The following CADPS variants were observed in gnomAD, a reference collection of about 807,000 sequenced individuals.
CADPS encodes the protein calcium dependent secretion activator, also known as calcium-dependent secretion activator 1.
In CADPS, 57 loss-of-function variants were observed where a neutral mutation model predicts 167.3. That is an observed-to-expected ratio of 0.34 (90% CI 0.28 to 0.42). CADPS has a LOEUF of 0.42. Among genes scored for constraint, CADPS ranks in the 20% least tolerant of loss-of-function variants. CADPS has a pLI of 1.00. For synonymous variants in CADPS, 676 were observed against 635.3 expected (o/e 1.06, Z -0.96); for missense variants, 1,414 against 1,738.1 (o/e 0.81, Z 3.32).
intron 3 of CADPS, among the ~76,000 whole-genome samples, chr3:62,697,650 A>G (rs115751207): frequency 0.079 from 12,082 of 152,020 alleles, 634 homozygotes; most frequent in Non-Finnish European, 0.12. Flanking sequence ...TCAAATGCTA[A>G]ATCTACTTTT....
intron 11 of CADPS, among the ~76,000 whole-genome samples, chr3:62,543,843 T>A (rs1482103901): frequency 2.6e-5 from 4 of 152,174 alleles, no homozygotes; most frequent in African/African-American, 9.6e-5. Context: ...TGATAGTTTT[T>A]TCCTATATAA....
At position 62,863,855 on chromosome 3, in the gene CADPS, G is replaced by A. The variant is rs562263789; in HGVS notation, c.441+10734C>T. Among the ~76,000 whole-genome samples, 229 of 152,268 alleles carry A rather than the reference G, an allele frequency of 1.5e-3. 1 individual carries two copies. The highest frequency in any genetic ancestry group is 4.8e-3 in the African/African-American group (200 of 41,546). On this transcript the variant is annotated intron_variant, in intron 1 of 29. Coordinates refer to ENST00000383710, the MANE Select transcript of CADPS (RefSeq NM_003716.4). Reference sequence around the variant, plus strand: ...TTGGCCAGCTCAGTTATATGGTAGCGCCACTGGGTGGCCATTCACAGAGTT... The same window carrying A: ...TTGGCCAGCTCAGTTATATGGTAGCACCACTGGGTGGCCATTCACAGAGTT...
At chr3:62,536,172 C>A in intron 12 of CADPS, 1 of 331,520 alleles carries the variant, frequency 3.0e-6, no homozygotes, top group Non-Finnish European at 5.6e-6. Context: ...CTCGATTACC[C>A]TCTTGGGAAT....
At chr3:62,593,336 T>G (rs2086497791) in intron 6 of CADPS, among the ~76,000 whole-genome samples, 1 of 152,206 alleles carries the variant, frequency 6.6e-6, no homozygotes, top group African/African-American at 2.4e-5. Flanking sequence ...GCTCATAGTT[T>G]GTGGATATCG....
chr3:62,564,981 T>C, intron 9 of CADPS, among the ~76,000 whole-genome samples: 1 of 152,186 alleles, frequency 6.6e-6, no homozygotes, highest in East Asian at 1.9e-4. Flanking sequence ...TCTAACCTGA[T>C]ATGGGTGATA....
chr3:62,629,281 A>G (rs547585796), intron 6 of CADPS, among the ~76,000 whole-genome samples: 23 of 152,284 alleles, frequency 1.5e-4, no homozygotes, highest in African/African-American at 5.5e-4. Flanking sequence ...TTTGTAGTCA[A>G]CCACACTCCC....
intron 11 of CADPS, among the ~76,000 whole-genome samples, chr3:62,539,406 A>C (rs1275710782): frequency 6.6e-6 from 1 of 152,118 alleles, no homozygotes; most frequent in Non-Finnish European, 1.5e-5. Flanking sequence ...CATTTACTCA[A>C]AATTGGGCTC....
chr3:62,794,172 T>C (rs1251458768), intron 1 of CADPS, among the ~76,000 whole-genome samples: 1 of 152,218 alleles, frequency 6.6e-6, no homozygotes, highest in East Asian at 1.9e-4. Flanking sequence ...TTCCCAGCTC[T>C]GCCAGTGACT....
chr3:62,464,990 G>C (rs1184957231), intron 26 of CADPS, among the ~76,000 whole-genome samples: 1 of 152,140 alleles, frequency 6.6e-6, no homozygotes, highest in African/African-American at 2.4e-5. Flanking sequence ...ACTGAGTGCA[G>C]GTCTTCATTT....
intron 10 of CADPS, among the ~76,000 whole-genome samples, chr3:62,557,018 C>G (rs141498087): frequency 0.6 from 89,416 of 147,870 alleles, 27,599 homozygotes; most frequent in Admixed American, 0.7. Context: ...CACACACACA[C>G]ACACACACAC....
chr3:62,615,586 C>A (rs1032795076), intron 6 of CADPS, among the ~76,000 whole-genome samples: 7 of 152,126 alleles, frequency 4.6e-5, no homozygotes, highest in Non-Finnish European at 8.8e-5. Context: ...ACGTCTGGGA[C>A]CCCGGTTTAC....
At chr3:62,768,417 T>C (rs982282230) in intron 1 of CADPS, among the ~76,000 whole-genome samples, 10 of 151,998 alleles carry the variant, frequency 6.6e-5, no homozygotes, top group Non-Finnish European at 1.3e-4. Flanking sequence ...ACCTCGCTTT[T>C]GTCTTAAATG....
chr3:62,486,765 G>T (rs955998980), intron 21 of CADPS, among the ~76,000 whole-genome samples: 2 of 152,210 alleles, frequency 1.3e-5, no homozygotes, highest in African/African-American at 4.8e-5. Flanking sequence ...ATCTCTGGTG[G>T]TGTTACAGTG....
intron 3 of CADPS, among the ~76,000 whole-genome samples, chr3:62,677,048 T>C (rs987621361): frequency 6.6e-6 from 1 of 152,132 alleles, no homozygotes; most frequent in African/African-American, 2.4e-5. Context: ...TGGCAATTTA[T>C]ACTGGCCAAC....
At position 62,514,813 on chromosome 3, in the gene CADPS, C is replaced by T. The variant is rs530152750; in HGVS notation, c.2581+1246G>A. Among the ~76,000 whole-genome samples the T allele has an allele frequency of 3.3e-5, 5 of 152,256 alleles. No individual in the cohort carries two copies. The highest frequency in any genetic ancestry group is 3.9e-4 in the East Asian group (2 of 5,174). ...CTTTACCAAATACAACCAATCATTA[C>T]GTCCTGGGACAGTAAATGCTGGAAC... On this transcript the variant is annotated intron_variant, in intron 16 of 29. Transcript: ENST00000383710. This position sits in a 1 kb window ranked among gnomAD's most constrained non-coding sequence, Gnocchi z 4.2.
chr3:62,513,492 C>A, intron 16 of CADPS: 1 of 588,252 alleles, frequency 1.7e-6, no homozygotes. Flanking sequence ...ACTTCTCACA[C>A]TGGGTTTCAC....
At chr3:62,709,516 T>C (rs1190843587) in intron 3 of CADPS, among the ~76,000 whole-genome samples, 1 of 152,152 alleles carries the variant, frequency 6.6e-6, no homozygotes, top group Non-Finnish European at 1.5e-5. Flanking sequence ...TTAGATACTG[T>C]ATACAAAGCA....
At chr3:62,818,253 T>C (rs1377544119) in intron 1 of CADPS, among the ~76,000 whole-genome samples, 1 of 152,190 alleles carries the variant, frequency 6.6e-6, no homozygotes, top group East Asian at 1.9e-4. Context: ...CTTATCTGTA[T>C]GTCAGAGTCC....
In CADPS at chr3:62,768,479, G is replaced by T. The variant is rs2087550012; in HGVS notation, c.442-2495C>A. ...ACCATATGAATGATCAAGATTGATT[G>T]TTGACCCAGGCCAAATCTATTATCT... On this transcript the variant is annotated intron_variant, in intron 1 of 29. Transcript: ENST00000383710. Among the ~76,000 whole-genome samples, 3 of 152,162 alleles carry T rather than the reference G, an allele frequency of 2.0e-5. No individual in the cohort carries two copies. In the South Asian group the frequency reaches 6.2e-4, roughly 32 times the overall value.
Sources: allele counts gnomAD v4.1 joint callset (sites outside exome capture counted in the v4.1 genomes callset), GRCh38; gene constraint gnomAD v4.1.1; non-coding constraint Gnocchi (gnomAD v3.1); transcripts MANE v1.5; gene names NCBI Gene and HGNC (gene_info 2026-07-23, HGNC 2026-07-21).